The following EIF4G3 variants were observed in gnomAD, a reference collection of about 807,000 sequenced individuals.
EIF4G3 encodes eIF-4-gamma 3.
In EIF4G3, 34 loss-of-function variants were observed where a neutral mutation model predicts 186.4. The ratio of observed to expected loss-of-function variants is 0.18; its 90% CI spans 0.14 to 0.24. EIF4G3 has a LOEUF of 0.24. EIF4G3 is among the 10% of genes least tolerant of loss of function. The pLI is 1.00. For missense variants in EIF4G3, 1,536 were observed against 1,948.5 expected (o/e 0.79, Z 3.99); for synonymous variants, 673 against 679.5 (o/e 0.99, Z 0.15).
intron 4 of EIF4G3, among the ~76,000 whole-genome samples, chr1:21,024,192 C>A (rs1268615362): frequency 4.0e-5 from 6 of 151,166 alleles, no homozygotes; most frequent in Non-Finnish European, 7.4e-5. Flanking sequence ...CCCCGCCCGG[C>A]CAGCCGCCCC....
chr1:20,981,362 A>G, intron 8 of EIF4G3, 135 bp from the exon 9 acceptor site: 1 of 658,132 alleles, frequency 1.5e-6, no homozygotes, highest in Non-Finnish European at 2.5e-6. Flanking sequence ...AAAAAGAATA[A>G]ATTACCTATT....
chr1:21,149,100 AAAAAG>A (rs1032180594), intron 2 of EIF4G3, among the ~76,000 whole-genome samples: 33 of 152,246 alleles, frequency 2.2e-4, no homozygotes, highest in African/African-American at 6.0e-4. Flanking sequence ...TCTAAAAAAA[AAAAAG>A]AAAGAAAGAA....
intron 3 of EIF4G3, among the ~76,000 whole-genome samples, chr1:21,085,977 C>CCAT (rs1304610670): frequency 1.3e-5 from 2 of 152,040 alleles, no homozygotes; most frequent in African/African-American, 4.8e-5. Flanking sequence ...CAGGAGTAAG[C>CCAT]CATCGCGCCT....
intron 11 of EIF4G3, among the ~76,000 whole-genome samples, chr1:20,970,834 G>A (rs372437785): frequency 1.3e-5 from 2 of 151,820 alleles, no homozygotes; most frequent in East Asian, 3.9e-4. Flanking sequence ...TGCGGTGGCA[G>A]GCGCCTGTAA....
chr1:21,154,289 A>C (rs2102848508), intron 2 of EIF4G3, among the ~76,000 whole-genome samples: 1 of 152,360 alleles, frequency 6.6e-6, no homozygotes, highest in South Asian at 2.1e-4. Flanking sequence ...AATAACAACA[A>C]GAAAAGTAAG....
chr1:21,005,990 C>G (rs1034301727), intron 4 of EIF4G3, among the ~76,000 whole-genome samples: 1 of 152,138 alleles, frequency 6.6e-6, no homozygotes, highest in Non-Finnish European at 1.5e-5. Flanking sequence ...ATTGTTCTGT[C>G]ACAATGTATG....
At chr1:20,815,028 G>A (rs919089524) in intron 34 of EIF4G3, among the ~76,000 whole-genome samples, 1 of 73,874 alleles carries the variant, frequency 1.4e-5, no homozygotes, top group Non-Finnish European at 2.7e-5. Context: ...CGAGTGATCC[G>A]CCAGCCTCGG....
chr1:20,929,805 C>T (rs1402897367), intron 14 of EIF4G3, among the ~76,000 whole-genome samples: 1 of 152,126 alleles, frequency 6.6e-6, no homozygotes, highest in Non-Finnish European at 1.5e-5. Context: ...AAGGGTAAGA[C>T]TCAGGAGTGT....
chr1:20,849,402 T>TA lies in EIF4G3; in HGVS notation c.3888+12dup, dbSNP rs2072514426. ...ACTTACTGTGTGTGTGTTTTTTTTT[T>TA]AATCTCATTTACCTTAAAATCATTA... On this transcript the variant is annotated intron_variant, in intron 29 of 36. Transcript: ENST00000602326. 2.2e-6 allele frequency: 3 copies of TA among 1,394,626 alleles called. No homozygotes were observed. Among genetic ancestry groups the TA allele is most frequent in the African/African-American group, 1.5e-5 (1 of 67,490 alleles). 86.4% of individuals were successfully genotyped at this position (1,394,626 alleles called of 1,614,324 possible). A position where few individuals can be genotyped will look rare whatever the true frequency, so the allele number is the denominator to read the frequency against.
intron 14 of EIF4G3, among the ~76,000 whole-genome samples, chr1:20,926,556 A>G (rs1280184562): frequency 6.6e-6 from 1 of 152,128 alleles, no homozygotes; most frequent in African/African-American, 2.4e-5. Context: ...CTGTGGTTCC[A>G]GCTACTCAGG....
intron 30 of EIF4G3, among the ~76,000 whole-genome samples, chr1:20,838,843 A>G (rs1320333972): frequency 6.6e-6 from 1 of 151,974 alleles, no homozygotes; most frequent in African/African-American, 2.4e-5. Flanking sequence ...TGCCTAGCTA[A>G]TTTTTATATT....
chr1:20,936,117 A>G (rs187881491), intron 14 of EIF4G3, among the ~76,000 whole-genome samples: 12 of 152,330 alleles, frequency 7.9e-5, no homozygotes, highest in Admixed American at 7.2e-4. Flanking sequence ...AACAGGCTCA[A>G]CTAACAGGTG....
At chr1:20,849,697 C>G (rs1379859994) in intron 28 of EIF4G3, among the ~76,000 whole-genome samples, 167 bp from the exon 29 acceptor site, 4 of 152,120 alleles carry the variant, frequency 2.6e-5, no homozygotes, top group African/African-American at 9.7e-5. Flanking sequence ...TAGATTCGCA[C>G]TAAGTAACTT....
chr1:20,934,141 AAGAGACCAAT>A (rs1410926566), intron 14 of EIF4G3, among the ~76,000 whole-genome samples: 3 of 152,206 alleles, frequency 2.0e-5, no homozygotes, highest in African/African-American at 7.2e-5. Flanking sequence ...GAGAGAGAGA[AAGAGACCAAT>A]AGTGGTAAAA....
chr1:20,950,230 G>T, intron 12 of EIF4G3, 119 bp from the exon 13 acceptor site: 1 of 581,110 alleles, frequency 1.7e-6, no homozygotes, highest in Non-Finnish European at 2.8e-6. Flanking sequence ...ATTAAAAAAG[G>T]AAAGCAAGGA....
At chr1:21,133,993 T>C (rs1024063345) in intron 2 of EIF4G3, among the ~76,000 whole-genome samples, 3 of 152,222 alleles carry the variant, frequency 2.0e-5, no homozygotes, top group Non-Finnish European at 4.4e-5. Flanking sequence ...TCAATGTCAC[T>C]TGCTGCTTCT....
chr1:20,871,341 G>A (rs2079141297), intron 20 of EIF4G3, among the ~76,000 whole-genome samples: 3 of 152,014 alleles, frequency 2.0e-5, no homozygotes. Flanking sequence ...CTTGTGGAGG[G>A]CTCTCCTGTG....
chr1:21,176,127 A>T, intron 2 of EIF4G3, 48 bp downstream of exon 2: 1 of 336,280 alleles, frequency 3.0e-6, no homozygotes, highest in Non-Finnish European at 5.3e-6. Context: ...GTCCCCCTGG[A>T]CTGCGACGAC....
chr1:21,042,515 A>G (rs2093643169), intron 4 of EIF4G3, among the ~76,000 whole-genome samples: 1 of 152,174 alleles, frequency 6.6e-6, no homozygotes, highest in African/African-American at 2.4e-5. Flanking sequence ...TTTGTACACT[A>G]CATTTTATAG....
Sources: gnomAD v4.1 joint callset for allele counts (sites outside exome capture counted in the v4.1 genomes callset) on GRCh38, gnomAD v4.1.1 for gene constraint, MANE v1.5 for transcripts, NCBI Gene and HGNC (gene_info 2026-07-23, HGNC 2026-07-21) for gene names.